Variants in MDGA2 observed in about 807,000 individuals in gnomAD.
MDGA2 encodes the protein MAM domain containing glycosylphosphatidylinositol anchor 2, also known as MAM domain-containing glycosylphosphatidylinositol anchor protein 2.
MDGA2 carries 40 observed loss-of-function variants against 117.8 expected under a neutral mutation model. That is an observed-to-expected ratio of 0.34 (90% CI 0.26 to 0.44). MDGA2 has a LOEUF of 0.44. Ranked by LOEUF, MDGA2 falls within the 20% of genes least tolerant of loss-of-function variation. The probability of loss-of-function intolerance (pLI) is 1.00; values close to 1 mark genes in which losing one functional copy is unlikely to be tolerated. For missense variants in MDGA2, 1,123 were observed against 1,250.6 expected, an observed-to-expected ratio of 0.90 and a Z score of 1.54; for synonymous variants, 452 against 439.0, an observed-to-expected ratio of 1.03 and a Z score of -0.37.
chr14:47,178,638 T>A (rs1483230789), intron 3 of MDGA2, among the ~76,000 whole-genome samples: 1 of 152,166 alleles, frequency 6.6e-6, no homozygotes, highest in Admixed American at 6.5e-5. Context: ...TACTTTGGAA[T>A]AACTCACAAT....
chr14:46,989,202 C>T (rs1292926358), intron 8 of MDGA2, among the ~76,000 whole-genome samples: 2 of 151,876 alleles, frequency 1.3e-5, no homozygotes, highest in Non-Finnish European at 2.9e-5. Context: ...TGTAGTTTTC[C>T]CCAATTCTGC....
intron 1 of MDGA2, among the ~76,000 whole-genome samples, chr14:47,570,220 G>GA (rs148323749): frequency 0.034 from 5,110 of 152,064 alleles, 287 homozygotes; most frequent in African/African-American, 0.11. Flanking sequence ...TCTACTTAAA[G>GA]AAATAATAGA....
intron 10 of MDGA2, among the ~76,000 whole-genome samples, chr14:46,897,997 A>G (rs985285075): frequency 1.1e-4 from 17 of 151,998 alleles, no homozygotes; most frequent in African/African-American, 4.1e-4. Context: ...TTTTGAGTGC[A>G]TTATGTTTTC....
At chr14:47,240,902 G>A (rs10134355) in intron 2 of MDGA2, among the ~76,000 whole-genome samples, 34,104 of 151,576 alleles carry the variant, frequency 0.22, 4,926 homozygotes, top group East Asian at 0.45. Flanking sequence ...TAATCAGATG[G>A]TTTCTTCATA....
rs116850119 is a variant in MDGA2 at position 47,350,314 on chromosome 14, G to A, written c.281-48764C>T. ...ATGCTGCTCTCATTTTCTGGGTGGA[G>A]TAATATTAAAGTAAAATAATACAGG... On this transcript the variant is annotated intron_variant, in intron 1 of 16. Transcript: ENST00000399232. 3.3e-3 allele frequency among the ~76,000 whole-genome samples: 508 copies of A among 152,230 alleles called. 1 individual carries two copies. The highest frequency in any genetic ancestry group is 5.7e-3 in the Non-Finnish European group (387 of 68,028).
intron 2 of MDGA2, among the ~76,000 whole-genome samples, chr14:47,220,938 C>T (rs554713274): frequency 2.6e-5 from 4 of 152,202 alleles, no homozygotes; most frequent in Non-Finnish European, 5.9e-5. Context: ...TTCAAATAGC[C>T]CCCCATGATG....
chr14:47,267,146 A>G (rs994763682), intron 2 of MDGA2, among the ~76,000 whole-genome samples: 4 of 152,164 alleles, frequency 2.6e-5, no homozygotes, highest in African/African-American at 9.7e-5. Context: ...GTCTATAGAT[A>G]CAAAGGTGGA....
intron 2 of MDGA2, among the ~76,000 whole-genome samples, chr14:47,226,601 C>T (rs560956551): frequency 6.6e-6 from 1 of 152,170 alleles, no homozygotes; most frequent in East Asian, 1.9e-4. Context: ...CCTGCTGGCA[C>T]TATTTCACAC....
chr14:47,560,064 A>G (rs575142378), intron 1 of MDGA2, among the ~76,000 whole-genome samples: 1 of 149,694 alleles, frequency 6.7e-6, no homozygotes, highest in East Asian at 2.0e-4. Context: ...GGCATCTGTT[A>G]TCTTAGGATT....
At chr14:47,577,512 A>G (rs1307431840) in intron 1 of MDGA2, among the ~76,000 whole-genome samples, 2 of 152,194 alleles carry the variant, frequency 1.3e-5, no homozygotes, top group African/African-American at 2.4e-5. Context: ...CAACCTACAG[A>G]ATGGGAGAAA....
chr14:47,327,744 TA>T (rs1165593792), intron 1 of MDGA2, among the ~76,000 whole-genome samples: 3 of 152,210 alleles, frequency 2.0e-5, no homozygotes, highest in African/African-American at 7.2e-5. Context: ...TCCATGATTT[TA>T]AATATACTGG....
chr14:47,280,913 A>C (rs1403548542), intron 2 of MDGA2, among the ~76,000 whole-genome samples: 1 of 149,268 alleles, frequency 6.7e-6, no homozygotes, highest in Admixed American at 6.7e-5. Flanking sequence ...AACCACCATA[A>C]TCCATTTTTA....
chr14:46,852,323 A>G (rs756478043), intron 15 of MDGA2, among the ~76,000 whole-genome samples: 5 of 151,270 alleles, frequency 3.3e-5, no homozygotes, highest in East Asian at 1.9e-4. Context: ...TCCCTGGGAA[A>G]TGGGAGTCAA....
Position 46,855,812 on chromosome 14 carries a change from T to G in MDGA2, c.2753-658A>C, listed in dbSNP as rs1881247759. On this transcript the variant is annotated intron_variant, in intron 14 of 16. Transcript: ENST00000399232. This position sits in a 1 kb window ranked among gnomAD's most constrained non-coding sequence, Gnocchi z 4.1. ...TGTAATCATGTACTGAATAACTTGC[T>G]CAGAGTTGGACTCTAATTCTGTCGT... is the stretch of plus-strand genomic sequence containing the variant. Among the ~76,000 whole-genome samples, 1 of 152,178 alleles carries G rather than the reference T, an allele frequency of 6.6e-6. No homozygotes were observed. The highest frequency in any genetic ancestry group is 1.5e-5 in the Non-Finnish European group (1 of 68,032).
intron 5 of MDGA2, among the ~76,000 whole-genome samples, chr14:47,105,239 C>T (rs994176111): frequency 3.3e-4 from 50 of 152,132 alleles, no homozygotes; most frequent in Non-Finnish European, 7.1e-4. Context: ...CCCCCAATTG[C>T]TTATTTCCGC....
chr14:47,047,206 T>C (rs1217560695), intron 7 of MDGA2, among the ~76,000 whole-genome samples: 1 of 152,150 alleles, frequency 6.6e-6, no homozygotes, highest in African/African-American at 2.4e-5. Context: ...AATTAAAGGA[T>C]TTTTTTAATA....
chr14:47,309,648 G>A (rs1426596265), intron 1 of MDGA2, among the ~76,000 whole-genome samples: 1 of 151,970 alleles, frequency 6.6e-6, no homozygotes, highest in African/African-American at 2.4e-5. Context: ...ATTAACGTTT[G>A]CTAAATAATA....
intron 7 of MDGA2, among the ~76,000 whole-genome samples, chr14:47,047,770 G>A (rs984088374): frequency 1.4e-4 from 21 of 151,532 alleles, no homozygotes; most frequent in Non-Finnish European, 2.9e-4. Flanking sequence ...CGAGTACTGA[G>A]GATAGGTACT....
At chr14:47,038,267 A>C (rs1371241448) in intron 7 of MDGA2, among the ~76,000 whole-genome samples, 1 of 152,128 alleles carries the variant, frequency 6.6e-6, no homozygotes, top group Non-Finnish European at 1.5e-5. Flanking sequence ...GTACTTTATT[A>C]GCCTCAACGT....
Sources: allele counts gnomAD v4.1 joint callset (sites outside exome capture counted in the v4.1 genomes callset), GRCh38; gene constraint gnomAD v4.1.1; non-coding constraint Gnocchi (gnomAD v3.1); transcripts MANE v1.5; gene names NCBI Gene and HGNC (gene_info 2026-07-23, HGNC 2026-07-21).